Variants in CACNA1C observed in about 807,000 individuals in gnomAD.
CACNA1C encodes the protein calcium voltage-gated channel subunit alpha1 C, also known as voltage-dependent L-type calcium channel subunit alpha-1C.
In CACNA1C, 30 loss-of-function variants were observed where a neutral mutation model predicts 229.0. The observed-to-expected ratio is 0.13, with a 90% CI of 0.10 to 0.18. The LOEUF (loss-of-function observed/expected upper bound fraction) is 0.18. Among genes scored for constraint, CACNA1C ranks in the 10% least tolerant of loss-of-function variants. The probability of loss-of-function intolerance (pLI) is 1.00; values close to 1 mark genes in which losing one functional copy is unlikely to be tolerated. For synonymous variants in CACNA1C, 1,114 were observed against 1,132.5 expected, an observed-to-expected ratio of 0.98 and a Z score of 0.33; for missense variants, 1,658 against 2,845.0, an observed-to-expected ratio of 0.58 and a Z score of 9.49.
intron 5 of CACNA1C, among the ~76,000 whole-genome samples, chr12:2,464,195 C>T (rs1445330725): frequency 6.6e-6 from 1 of 152,084 alleles, no homozygotes; most frequent in Admixed American, 6.5e-5. Context: ...GAAAAATCAC[C>T]TTTCTGTAAG....
At chr12:2,529,264 G>A (rs1045392687) in intron 9 of CACNA1C, among the ~76,000 whole-genome samples, 3 of 152,138 alleles carry the variant, frequency 2.0e-5, no homozygotes, top group African/African-American at 2.4e-5. Flanking sequence ...CTCCCCAGCA[G>A]GGTCTTACCC....
chr12:2,228,599 AGGG>A (rs138013005), intron 3 of CACNA1C, among the ~76,000 whole-genome samples: 2 of 152,196 alleles, frequency 1.3e-5, no homozygotes, highest in African/African-American at 4.8e-5. Context: ...TTTGTAGAAA[AGGG>A]GGGATGGAGA....
At chr12:2,554,593 AG>A (rs970726326) in intron 10 of CACNA1C, among the ~76,000 whole-genome samples, 1 of 152,148 alleles carries the variant, frequency 6.6e-6, no homozygotes, top group African/African-American at 2.4e-5. Context: ...CATGGCACCA[AG>A]GCATCTGGGC....
At chr12:2,382,063 G>T (rs2154545693) in intron 3 of CACNA1C, among the ~76,000 whole-genome samples, 1 of 152,344 alleles carries the variant, frequency 6.6e-6, no homozygotes, top group Non-Finnish European at 1.5e-5. Flanking sequence ...TGGGGTTCAT[G>T]AAGTCTATAG....
At chr12:2,417,934 G>A (rs954632385) in intron 3 of CACNA1C, among the ~76,000 whole-genome samples, 9 of 152,130 alleles carry the variant, frequency 5.9e-5, no homozygotes, top group South Asian at 2.1e-4. Flanking sequence ...ATACCTGTGC[G>A]GGGCCTCCCA....
At chr12:2,509,558 C>T (rs1047408302) in intron 8 of CACNA1C, among the ~76,000 whole-genome samples, 1 of 152,166 alleles carries the variant, frequency 6.6e-6, no homozygotes, top group Non-Finnish European at 1.5e-5. Flanking sequence ...GAACATTAAA[C>T]TCCTGGCCAC....
intron 3 of CACNA1C, among the ~76,000 whole-genome samples, chr12:2,236,383 A>C (rs1489587021): frequency 6.6e-6 from 1 of 152,188 alleles, no homozygotes; most frequent in Non-Finnish European, 1.5e-5. Flanking sequence ...GTCAGATTGG[A>C]GTTAACTGCA....
chr12:2,070,662 A>G (rs1385699530), intron 1 of CACNA1C, among the ~76,000 whole-genome samples: 1 of 152,162 alleles, frequency 6.6e-6, no homozygotes, highest in African/African-American at 2.4e-5. Flanking sequence ...TGAATAATCA[A>G]TATTCTAATT....
intron 5 of CACNA1C, among the ~76,000 whole-genome samples, chr12:2,475,758 GT>G (rs60140354): frequency 0.72 from 110,054 of 152,112 alleles, 40,178 homozygotes; most frequent in East Asian, 0.88. Context: ...TTTATGAAAT[GT>G]TTTTTTCCTA....
At chr12:2,582,271 C>T (rs895216109) in intron 14 of CACNA1C, among the ~76,000 whole-genome samples, 2 of 151,982 alleles carry the variant, frequency 1.3e-5, no homozygotes, top group East Asian at 3.9e-4. Flanking sequence ...GCTTTCCTAC[C>T]ATGCTTGTCT....
intron 1 of CACNA1C, among the ~76,000 whole-genome samples, chr12:2,060,155 C>G (rs578200907): frequency 6.6e-6 from 1 of 152,182 alleles, no homozygotes; most frequent in Admixed American, 6.5e-5. Flanking sequence ...TTGCTCACTT[C>G]CTCTCGGCCC....
At chr12:2,407,086 G>T (rs530469726) in intron 3 of CACNA1C, among the ~76,000 whole-genome samples, 9 of 152,374 alleles carry the variant, frequency 5.9e-5, no homozygotes, top group African/African-American at 2.2e-4. Flanking sequence ...CCTGGCTGGA[G>T]GCAGAGGGGA....
At chr12:2,661,865 A>G (rs1031866034) in intron 34 of CACNA1C, among the ~76,000 whole-genome samples, 3 of 152,368 alleles carry the variant, frequency 2.0e-5, no homozygotes, top group African/African-American at 7.2e-5. Context: ...TGTACTGGTA[A>G]TAACTAATTA....
chr12:2,269,419 G>A (rs1458492294), intron 3 of CACNA1C, among the ~76,000 whole-genome samples: 8 of 152,150 alleles, frequency 5.3e-5, no homozygotes, highest in Admixed American at 3.3e-4. Context: ...AAGGTTTAGG[G>A]TGGAGGAATT....
At chr12:2,172,493 A>C (rs974461252) in intron 3 of CACNA1C, among the ~76,000 whole-genome samples, 1 of 152,204 alleles carries the variant, frequency 6.6e-6, no homozygotes, top group Admixed American at 6.5e-5. Flanking sequence ...TAATCTCACA[A>C]TTTTATGTCT....
chr12:2,532,067 G>A (rs1022109043), intron 9 of CACNA1C, among the ~76,000 whole-genome samples: 3 of 152,194 alleles, frequency 2.0e-5, no homozygotes, highest in African/African-American at 7.2e-5. Flanking sequence ...ATGGTGTGGT[G>A]AATTATCCTG....
In CACNA1C at chr12:2,500,410, G is replaced by A. The variant is rs560076454; in HGVS notation, c.1114-4432G>A. 9.8e-5 allele frequency among the ~76,000 whole-genome samples: 15 copies of A among 152,306 alleles called. No homozygotes were observed. In the South Asian group the frequency reaches 3.1e-3, roughly 32 times the overall value. On this transcript the variant is annotated intron_variant, in intron 7 of 46. Transcript: ENST00000399655. ...ATCTCCAAGGCGCGTGGGTTTGTGT[G>A]GCCTCCAAGGCTGCATTTTCTGTGA... is the stretch of plus-strand genomic sequence containing the variant.
At chr12:2,621,627 G>A (rs891473613) in intron 29 of CACNA1C, among the ~76,000 whole-genome samples, 9 of 152,176 alleles carry the variant, frequency 5.9e-5, no homozygotes, top group Non-Finnish European at 1.2e-4. Flanking sequence ...GAGCAGCAAG[G>A]AGCCTGATGC....
chr12:2,085,171 A>G (rs922168199), intron 1 of CACNA1C, among the ~76,000 whole-genome samples: 3 of 152,194 alleles, frequency 2.0e-5, no homozygotes, highest in Non-Finnish European at 4.4e-5. Context: ...GAATGTGTCA[A>G]TCATCAGTGC....
Sources: allele counts gnomAD v4.1 joint callset (sites outside exome capture counted in the v4.1 genomes callset), GRCh38; gene constraint gnomAD v4.1.1; transcripts MANE v1.5; gene names NCBI Gene and HGNC (gene_info 2026-07-23, HGNC 2026-07-21).